Variants in C6orf118 observed in about 807,000 individuals in gnomAD.
C6orf118 encodes the protein uncharacterized protein C6orf118.
C6orf118 carries 50 observed loss-of-function variants against 50.2 expected under a neutral mutation model. The ratio of observed to expected loss-of-function variants is 1.00; its 90% confidence interval spans 0.79 to 1.26. The LOEUF (loss-of-function observed/expected upper bound fraction) is 1.26, where lower values mean the gene tolerates loss of function less well. C6orf118 is among the 50% of genes most tolerant of loss of function. C6orf118 has a pLI of 0.00. For synonymous variants in C6orf118, 239 were observed against 230.9 expected, an observed-to-expected ratio of 1.03 and a Z score of -0.32; for missense variants, 641 against 578.7, an observed-to-expected ratio of 1.11 and a Z score of -1.10.
At chr6:165,296,250 GT>G (rs56394079) in intron 5 of C6orf118, among the ~76,000 whole-genome samples, 8,244 of 103,636 alleles carry the variant, frequency 0.08, 406 homozygotes, top group Non-Finnish European at 0.11. Context: ...TTCGTTTTTT[GT>G]TTTTTTTTTT....
intron 1 of C6orf118, among the ~76,000 whole-genome samples, chr6:165,307,843 T>C (rs1780801307): frequency 6.6e-6 from 1 of 152,054 alleles, no homozygotes; most frequent in South Asian, 2.1e-4. Context: ...TGTCCTCGAG[T>C]CCTGGGCTCC....
At chr6:165,299,393 A>G (rs1174770910) in intron 4 of C6orf118, 50 bp downstream of exon 4, 1 of 1,536,344 alleles carries the variant, frequency 6.5e-7, no homozygotes, top group Admixed American at 1.7e-5. Context: ...ATGAAATATG[A>G]AGCTATGGAT....
At chr6:165,282,460 A>G (rs1012969785) in intron 7 of C6orf118, among the ~76,000 whole-genome samples, 4 of 152,116 alleles carry the variant, frequency 2.6e-5, no homozygotes, top group African/African-American at 9.7e-5. Flanking sequence ...TTCAATATTA[A>G]GTCTACTGCT....
chr6:165,284,303 T>G (rs1779832605), intron 7 of C6orf118, among the ~76,000 whole-genome samples: 1 of 152,126 alleles, frequency 6.6e-6, no homozygotes, highest in African/African-American at 2.4e-5. Context: ...AAAAAAAGCC[T>G]CTGAGAACTA....
At chr6:165,305,233 G>T (rs1780682231) in intron 1 of C6orf118, among the ~76,000 whole-genome samples, 1 of 70,996 alleles carries the variant, frequency 1.4e-5, no homozygotes, top group East Asian at 3.3e-4. Flanking sequence ...AAGGATTCCC[G>T]ATTTAATAAA....
chr6:165,308,555 T>A (rs934099564), intron 1 of C6orf118, among the ~76,000 whole-genome samples: 1 of 152,122 alleles, frequency 6.6e-6, no homozygotes. Flanking sequence ...GCAGCAAAAC[T>A]GACCTTACCC....
chr6:165,280,624 G>A (rs940242761), intron 8 of C6orf118, among the ~76,000 whole-genome samples: 12 of 152,188 alleles, frequency 7.9e-5, no homozygotes, highest in African/African-American at 2.9e-4. Context: ...CTTGGCCCAT[G>A]GTGCTGGCCA....
chr6:165,289,523 C>T (rs1190872452), intron 7 of C6orf118, among the ~76,000 whole-genome samples: 4 of 152,160 alleles, frequency 2.6e-5, no homozygotes, highest in Admixed American at 1.3e-4. Context: ...AGTGTACCAC[C>T]ACCCAAATAG....
chr6:165,299,523 G>A, intron 3 of C6orf118, 21 bp from the exon 4 acceptor site: 1 of 1,611,646 alleles, frequency 6.2e-7, no homozygotes, highest in Non-Finnish European at 8.5e-7. Flanking sequence ...ACAAACAAAA[G>A]TCCACTGGCC....
chr6:165,302,729 G>A (rs935789245), intron 1 of C6orf118, among the ~76,000 whole-genome samples: 1 of 152,122 alleles, frequency 6.6e-6, no homozygotes, highest in African/African-American at 2.4e-5. Context: ...CTCACTTAAT[G>A]ATAAACTGTC....
chr6:165,281,854 A>G (rs972676096), intron 7 of C6orf118, 161 bp from the exon 8 acceptor site: 9 of 395,886 alleles, frequency 2.3e-5, no homozygotes, highest in Non-Finnish European at 3.6e-5. Context: ...AAAATGAAGG[A>G]CAATTAATGA....
intron 6 of C6orf118, among the ~76,000 whole-genome samples, chr6:165,291,936 C>T (rs1780118681): frequency 6.6e-6 from 1 of 152,148 alleles, no homozygotes; most frequent in African/African-American, 2.4e-5. Context: ...GTGGAAGTAA[C>T]AGCCATCATT....
chr6:165,307,384 C>A (rs1202304030), intron 1 of C6orf118, among the ~76,000 whole-genome samples: 1 of 150,926 alleles, frequency 6.6e-6, no homozygotes, highest in African/African-American at 2.5e-5. Flanking sequence ...CCTGGCAAAA[C>A]CTTGTCTCTA....
chr6:165,302,006 T>A lies in C6orf118; in HGVS notation c.316A>T (p.Lys106Ter). 1 of 1,613,478 alleles carries A rather than the reference T, an allele frequency of 6.2e-7. No individual in the cohort carries two copies. The highest frequency in any genetic ancestry group is 1.1e-5 in the South Asian group (1 of 91,072). The change falls in exon 2 of 9, where the codon AAG becomes TAG. Residue 106 changes from lysine to a stop codon, truncating the protein, a stop_gained. Coordinates refer to ENST00000230301, the MANE Select transcript of C6orf118 (RefSeq NM_144980.4). LOFTEE classifies it high-confidence loss of function. The stretch of plus-strand genomic sequence containing the variant: ...ATGGTGAAGTGGGCCAGGGCCTCCT[T>A]CATCCTCGCCACCTTCCCTGCGGGC... ...EPPAGKVARM[K>*]EALAHFTIHT...
At chr6:165,309,341 G>A (rs1011751264) in intron 1 of C6orf118, among the ~76,000 whole-genome samples, 3 of 152,220 alleles carry the variant, frequency 2.0e-5, no homozygotes, top group African/African-American at 7.2e-5. Flanking sequence ...ACGCCCACAT[G>A]GCGCGCACCC....
intron 7 of C6orf118, among the ~76,000 whole-genome samples, chr6:165,286,634 C>T (rs1041234994): frequency 4.6e-5 from 7 of 151,822 alleles, no homozygotes; most frequent in Admixed American, 2.6e-4. Flanking sequence ...ATACACAAAT[C>T]GGTAAAATTT....
At chr6:165,292,276 G>T (rs1335346718) in intron 6 of C6orf118, among the ~76,000 whole-genome samples, 2 of 152,116 alleles carry the variant, frequency 1.3e-5, no homozygotes, top group Non-Finnish European at 2.9e-5. Context: ...CAGCAAATGT[G>T]TATGATTGGA....
At chr6:165,300,780 C>T (rs1020110156) in intron 2 of C6orf118, among the ~76,000 whole-genome samples, 5 of 152,264 alleles carry the variant, frequency 3.3e-5, no homozygotes, top group African/African-American at 1.2e-4. Context: ...AAGGCCCTTT[C>T]TCTCTTCCAA....
At chr6:165,285,766 CA>C (rs1779882760) in intron 7 of C6orf118, among the ~76,000 whole-genome samples, 1 of 152,012 alleles carries the variant, frequency 6.6e-6, no homozygotes, top group South Asian at 2.1e-4. Flanking sequence ...CTCTGGGATG[CA>C]GCTGAAGCAG....
Sources: allele counts gnomAD v4.1 joint callset (sites outside exome capture counted in the v4.1 genomes callset), GRCh38; gene constraint gnomAD v4.1.1; transcripts MANE v1.5; gene names NCBI Gene and HGNC (gene_info 2026-07-23, HGNC 2026-07-21).